The following PCID2 variants were observed in gnomAD, a reference collection of about 807,000 sequenced individuals.
PCID2 encodes PCI domain-containing protein 2.
Under a neutral mutation model 61.3 loss-of-function variants are expected in PCID2, and 41 were observed. The ratio of observed to expected loss-of-function variants is 0.67; its 90% CI spans 0.52 to 0.87. PCID2 has a LOEUF of 0.87. PCID2 is among the 40% of genes least tolerant of loss of function. PCID2 has a pLI of 0.00. For synonymous variants in PCID2, 187 were observed against 177.8 expected, an observed-to-expected ratio of 1.05 and a Z score of -0.41; for missense variants, 392 against 493.4, an observed-to-expected ratio of 0.79 and a Z score of 1.95.
intron 9 of PCID2, among the ~76,000 whole-genome samples, chr13:113,182,207 C>A (rs2037702105): frequency 6.6e-6 from 1 of 152,166 alleles, no homozygotes; most frequent in African/African-American, 2.4e-5. Context: ...CTAGGGAACC[C>A]ACACTGAGAC....
chr13:113,173,756 T>C (rs2037150490), downstream of PCID2, among the ~76,000 whole-genome samples: 1 of 152,202 alleles, frequency 6.6e-6, no homozygotes, highest in African/African-American at 2.4e-5. Context: ...AGTTTGGTTG[T>C]ATTATTCTCA....
At position 113,190,824 on chromosome 13, in the gene PCID2, A is replaced by G. The variant is rs1271652247; in HGVS notation, c.467+48T>C. 3 of 1,181,162 alleles carry G rather than the reference A, an allele frequency of 2.5e-6. No homozygotes were observed. In the African/African-American group the frequency reaches 4.6e-5, roughly 18 times the overall value. 73.2% of individuals were successfully genotyped at this position (1,181,162 alleles called of 1,614,324 possible). A position where few individuals can be genotyped will look rare whatever the true frequency, so the allele number is the denominator to read the frequency against. ...CCAGAAAGGGTGAACGCTGCAATGA[A>G]AACACCACCAACAGCGTCTGGTGGT... On this transcript the variant is annotated intron_variant, in intron 7 of 13. Transcript: ENST00000337344.
intron 1 of PCID2, among the ~76,000 whole-genome samples, chr13:113,201,908 A>C (rs1252634245): frequency 6.6e-6 from 1 of 152,206 alleles, no homozygotes; most frequent in East Asian, 1.9e-4. Flanking sequence ...CTATGATAAA[A>C]TTAAATATTT....
downstream of PCID2, among the ~76,000 whole-genome samples, chr13:113,175,826 G>A (rs373724088): frequency 5.4e-4 from 82 of 152,354 alleles, no homozygotes; most frequent in African/African-American, 1.8e-3. Context: ...GGAGAGCAGG[G>A]CATAAAAGAG....
chr13:113,196,384 T>C (rs977915942), intron 4 of PCID2, among the ~76,000 whole-genome samples, 162 bp from the exon 5 acceptor site: 1 of 152,226 alleles, frequency 6.6e-6, no homozygotes, highest in Non-Finnish European at 1.5e-5. Context: ...TAAGCTCACA[T>C]TACAAATATC....
At chr13:113,190,667 C>A in intron 7 of PCID2, 2 of 412,156 alleles carry the variant, frequency 4.9e-6, no homozygotes, top group Non-Finnish European at 8.5e-6. Flanking sequence ...CAAATGTGGG[C>A]AAATGAAGAC....
rs201981443 is a variant in PCID2, at chr13:113,197,196, C to T, written c.248G>A (p.Cys83Tyr). ...AGGATATTGGACTATCACGGTCTGG[C>T]ACTTGTATGCCTCTATGAAGTCATG... ...GNHDFIEAYK[C>Y]QTVIVQSFLR... Residue 83 changes from cysteine to tyrosine, a missense_variant, in exon 4 of 14, where the codon TGC becomes TAC. By Grantham distance (194) the Cys-to-Tyr change is radical. Coordinates refer to ENST00000337344, the MANE Select transcript of PCID2 (RefSeq NM_001127202.4). The T allele has an allele frequency of 2.5e-5, 41 of 1,614,158 alleles. No homozygotes were observed. Among genetic ancestry groups the T allele is most frequent in the Middle Eastern group, 3.3e-4 (2 of 6,062 alleles).
In PCID2 at chr13:113,179,464, C is replaced by A. The variant is rs1446357816; in HGVS notation, c.987-375G>T. Reference sequence around the variant, plus strand: ...AGCTCTATACAAAGTTGGCCTTTGCCTGAAGTTTACACAACTGAGATCCTG... The same window carrying A: ...AGCTCTATACAAAGTTGGCCTTTGCATGAAGTTTACACAACTGAGATCCTG... On this transcript the variant is annotated intron_variant, in intron 12 of 13. Transcript: ENST00000337344. The surrounding 1 kb of genome is among the most constrained non-coding windows in gnomAD (Gnocchi z 4.3). Among the ~76,000 whole-genome samples the A allele has an allele frequency of 6.6e-6, 1 of 152,102 alleles. No individual in the cohort carries two copies. Among genetic ancestry groups the A allele is most frequent in the Non-Finnish European group, 1.5e-5 (1 of 68,026 alleles).
downstream of PCID2, among the ~76,000 whole-genome samples, chr13:113,174,565 G>A (rs527810100): frequency 1.3e-5 from 2 of 152,334 alleles, no homozygotes; most frequent in East Asian, 3.9e-4. Context: ...CACGATCCTA[G>A]CTCATAGTGG....
chr13:113,176,849 G>A (rs951101497), downstream of PCID2, among the ~76,000 whole-genome samples: 1 of 152,184 alleles, frequency 6.6e-6, no homozygotes, highest in Admixed American at 6.5e-5. Context: ...CAACTCAGAA[G>A]AGAGCCCTCC....
downstream of PCID2, among the ~76,000 whole-genome samples, chr13:113,175,827 C>A (rs982176745): frequency 1.3e-5 from 2 of 152,238 alleles, no homozygotes; most frequent in Non-Finnish European, 2.9e-5. Flanking sequence ...GAGAGCAGGG[C>A]ATAAAAGAGA....
intron 9 of PCID2, 68 bp from the exon 10 acceptor site, chr13:113,181,298 T>G: frequency 1.1e-6 from 1 of 905,284 alleles, no homozygotes; most frequent in South Asian, 1.3e-5. Flanking sequence ...CCTGCTCCAT[T>G]TTCTACCACT....
intron 1 of PCID2, among the ~76,000 whole-genome samples, chr13:113,203,930 A>G (rs2039614253): frequency 6.6e-6 from 1 of 152,272 alleles, no homozygotes; most frequent in Non-Finnish European, 1.5e-5. Context: ...TATGCCTTCC[A>G]AAGTGGCCCT....
rs763373200 is a variant in PCID2, at chr13:113,208,058, C to A, written c.36+541G>T. Reference sequence around the variant, plus strand: ...AACAACATCTGTCAGACGCATGTACCGAGCGATATGAAGTGTGCATTGTGC... The same window carrying A: ...AACAACATCTGTCAGACGCATGTACAGAGCGATATGAAGTGTGCATTGTGC... On this transcript the variant is annotated intron_variant, in intron 1 of 13. Transcript: ENST00000337344. 2.5e-6 allele frequency: 4 copies of A among 1,612,836 alleles called. No homozygotes were observed. In the South Asian group the frequency reaches 4.4e-5, roughly 18 times the overall value.
intron 3 of PCID2, among the ~76,000 whole-genome samples, 178 bp downstream of exon 3, chr13:113,198,013 A>G (rs1467917860): frequency 6.8e-6 from 1 of 147,180 alleles, no homozygotes. Flanking sequence ...AAATAGTATT[A>G]TATAACTGAT....
intron 4 of PCID2, 21 bp downstream of exon 4, chr13:113,197,157 G>C: frequency 6.2e-7 from 1 of 1,614,148 alleles, no homozygotes; most frequent in Non-Finnish European, 8.5e-7. Context: ...CGGGACAGCT[G>C]CCATGAACGA....
At chr13:113,171,926 G>A in the PCID2 span, 1 of 1,613,782 alleles carries the variant, frequency 6.2e-7, no homozygotes, top group Non-Finnish European at 8.5e-7. This position sits in a 1 kb window ranked among gnomAD's most constrained non-coding sequence, Gnocchi z 5.1. Context: ...GACCTACTGT[G>A]AGAGAAGCAG....
chr13:113,171,672 C>CG, the PCID2 span: 7 of 1,614,000 alleles, frequency 4.3e-6, no homozygotes, highest in Non-Finnish European at 5.9e-6. The surrounding 1 kb of genome is among the most constrained non-coding windows in gnomAD (Gnocchi z 5.1). Context: ...GACGCGGACG[C>CG]GGGGGAGAAT....
chr13:113,198,456 CT>C (rs2039180339), intron 2 of PCID2, among the ~76,000 whole-genome samples, 192 bp from the exon 3 acceptor site: 1 of 152,188 alleles, frequency 6.6e-6, no homozygotes, highest in African/African-American at 2.4e-5. Context: ...AATCCCAGCA[CT>C]TTGGGAGGGC....
Sources: gnomAD v4.1 joint callset for allele counts (sites outside exome capture counted in the v4.1 genomes callset) on GRCh38, gnomAD v4.1.1 for gene constraint, Gnocchi (gnomAD v3.1) non-coding constraint, MANE v1.5 for transcripts, NCBI Gene and HGNC (gene_info 2026-07-23, HGNC 2026-07-21) for gene names.